Variants in PLXNA4 observed in about 807,000 individuals in gnomAD.
PLXNA4 encodes the protein plexin A4, also known as plexin-A4.
PLXNA4 carries 44 observed loss-of-function variants against 191.8 expected under a neutral mutation model. The ratio of observed to expected loss-of-function variants is 0.23; its 90% confidence interval spans 0.18 to 0.29. The LOEUF (loss-of-function observed/expected upper bound fraction) is 0.29. Among genes scored for constraint, PLXNA4 ranks in the 10% least tolerant of loss-of-function variants. The pLI is 1.00. For missense variants in PLXNA4, 1,800 were observed against 2,488.8 expected (o/e 0.72, Z 5.89); for synonymous variants, 1,082 against 1,009.5 (o/e 1.07, Z -1.36).
At chr7:132,636,060 C>T (rs1372894480) in intron 2 of PLXNA4, among the ~76,000 whole-genome samples, 1 of 152,184 alleles carries the variant, frequency 6.6e-6, no homozygotes, top group African/African-American at 2.4e-5. Context: ...CTCCAAAAGG[C>T]TCCAATGTGC....
At chr7:132,498,064 G>A (rs1798100414) in intron 2 of PLXNA4, among the ~76,000 whole-genome samples, 1 of 152,092 alleles carries the variant, frequency 6.6e-6, no homozygotes, top group Non-Finnish European at 1.5e-5. Flanking sequence ...CACTTTCCAT[G>A]GTTTCAGTTA....
In PLXNA4 at chr7:132,230,319, C is replaced by T. The variant is rs547518710; in HGVS notation, c.1605-1850G>A. On this transcript the variant is annotated intron_variant, in intron 5 of 31. Coordinates refer to ENST00000321063, the MANE Select transcript of PLXNA4 (RefSeq NM_020911.2). The stretch of plus-strand genomic sequence containing the variant: ...GGCAGACCCCTTGCTGCAGACTAAG[C>T]TGGTTCTTCTCGCCATCCTGATGCC... 2.6e-5 allele frequency among the ~76,000 whole-genome samples: 4 copies of T among 152,332 alleles called. No individual in the cohort carries two copies. The South Asian group carries it at 8.3e-4, about 32-fold the overall frequency.
chr7:132,276,957 G>T (rs557646187), intron 4 of PLXNA4, among the ~76,000 whole-genome samples: 2 of 152,218 alleles, frequency 1.3e-5, no homozygotes, highest in Middle Eastern at 3.4e-3. Flanking sequence ...TGGATTCATC[G>T]TGGGGAGAAC....
intron 2 of PLXNA4, among the ~76,000 whole-genome samples, chr7:132,502,680 A>G (rs1323823431): frequency 6.6e-6 from 1 of 152,174 alleles, no homozygotes; most frequent in Admixed American, 6.5e-5. Context: ...GATACAGAAC[A>G]GCCTTCAGTT....
chr7:132,347,717 G>A (rs755756178), intron 3 of PLXNA4, among the ~76,000 whole-genome samples: 35 of 152,140 alleles, frequency 2.3e-4, no homozygotes, highest in Non-Finnish European at 4.6e-4. Flanking sequence ...GGGGAGGGAA[G>A]GCAGGTGCCC....
At chr7:132,294,364 A>G (rs971120247) in intron 4 of PLXNA4, among the ~76,000 whole-genome samples, 2 of 152,204 alleles carry the variant, frequency 1.3e-5, no homozygotes, top group African/African-American at 4.8e-5. Flanking sequence ...GGGAGCAGGG[A>G]GAGCGGGGAG....
rs1318785667 is a variant in PLXNA4, at chr7:132,496,678, G to T, written c.1189-7204C>A. ...GCCTCCCAAAATGCTGAGATTATAG[G>T]CATGAGCTACCACACCTGGCTAAAA... On this transcript the variant is annotated intron_variant, in intron 2 of 31. Coordinates refer to ENST00000321063, the MANE Select transcript of PLXNA4 (RefSeq NM_020911.2). Among the ~76,000 whole-genome samples, 34 of 152,142 alleles carry T rather than the reference G, an allele frequency of 2.2e-4. 1 individual carries two copies. Among genetic ancestry groups the T allele is most frequent in the Non-Finnish European group, 1.5e-5 (1 of 68,020 alleles).
chr7:132,539,241 G>A lies in PLXNA4; in HGVS notation c.-86-30462C>T, dbSNP rs563882598. 3.3e-5 allele frequency among the ~76,000 whole-genome samples: 5 copies of A among 152,280 alleles called. No individual in the cohort carries two copies. The South Asian group carries it at 8.3e-4, about 25-fold the overall frequency. ...CCACAAAGACCGTGCCCTGTCCAAG[G>A]CCACGTAGAGCCATACAATATCCCT... On this transcript the variant is annotated intron_variant, in intron 1 of 31. Transcript: ENST00000321063.
intron 4 of PLXNA4, among the ~76,000 whole-genome samples, chr7:132,267,854 C>T (rs962900688): frequency 2.6e-5 from 4 of 152,102 alleles, no homozygotes; most frequent in Non-Finnish European, 5.9e-5. Context: ...ATTCTGGCTT[C>T]CTTGCTCCTG....
intron 3 of PLXNA4, among the ~76,000 whole-genome samples, chr7:132,482,213 A>G (rs1234371997): frequency 1.3e-5 from 2 of 152,168 alleles, no homozygotes; most frequent in African/African-American, 2.4e-5. Flanking sequence ...CTTCTAAGAC[A>G]TAATACAGCA....
chr7:132,563,368 CCTCCTCCTT>C (rs1801448318), intron 1 of PLXNA4, among the ~76,000 whole-genome samples: 1 of 114,692 alleles, frequency 8.7e-6, no homozygotes, highest in Non-Finnish European at 1.8e-5. Flanking sequence ...TTCTCCTCCT[CCTCCTCCTT>C]CTCCTCCTCC....
intron 4 of PLXNA4, among the ~76,000 whole-genome samples, chr7:132,268,663 A>G (rs1799944722): frequency 6.6e-6 from 1 of 152,156 alleles, no homozygotes; most frequent in Non-Finnish European, 1.5e-5. Flanking sequence ...CTATGGACTA[A>G]TCTACTCCCA....
At position 132,627,503 on chromosome 7, in the gene PLXNA4, G is replaced by C. The variant is rs1427243470; in HGVS notation, c.-87+18425C>G. ...GTCTTATTTGCTTAGTTTTTATGTA[G>C]CCTTCATTTCTATCATTTGAATGTA... On this transcript the variant is annotated intron_variant, in intron 2 of 4. Coordinates refer to the PLXNA4 transcript ENST00000378539. 2.0e-5 allele frequency among the ~76,000 whole-genome samples: 3 copies of C among 151,982 alleles called. No individual in the cohort carries two copies. In the East Asian group the frequency reaches 5.8e-4, roughly 29 times the overall value.
At chr7:132,365,614 A>G (rs1318346443) in intron 3 of PLXNA4, among the ~76,000 whole-genome samples, 1 of 152,164 alleles carries the variant, frequency 6.6e-6, no homozygotes, top group Non-Finnish European at 1.5e-5. Flanking sequence ...TTTTTACATG[A>G]GGCAGAGGGG....
chr7:132,579,015 C>T (rs1251606393), upstream of PLXNA4, among the ~76,000 whole-genome samples: 1 of 152,194 alleles, frequency 6.6e-6, no homozygotes, highest in Non-Finnish European at 1.5e-5. Context: ...ATGCCTCTCT[C>T]TGCAAGACTG....
At chr7:132,647,466 C>T (rs931925920) in intron 1 of PLXNA4, among the ~76,000 whole-genome samples, 1 of 152,098 alleles carries the variant, frequency 6.6e-6, no homozygotes, top group East Asian at 1.9e-4. Context: ...TACACAGTCA[C>T]ACATATACTC....
chr7:132,295,898 A>G (rs573201684), intron 4 of PLXNA4, among the ~76,000 whole-genome samples: 2 of 152,290 alleles, frequency 1.3e-5, no homozygotes, highest in South Asian at 4.1e-4. Flanking sequence ...GAAAAAAACT[A>G]TCTGATATTA....
intron 3 of PLXNA4, among the ~76,000 whole-genome samples, chr7:132,349,876 A>C (rs188976516): frequency 2.6e-5 from 4 of 151,954 alleles, no homozygotes; most frequent in Admixed American, 1.3e-4. Flanking sequence ...CCTTTTTTTT[A>C]AGTATATTTT....
At chr7:132,154,581 G>A (rs749142874) in intron 25 of PLXNA4, among the ~76,000 whole-genome samples, 2 of 152,210 alleles carry the variant, frequency 1.3e-5, no homozygotes, top group African/African-American at 2.4e-5. Flanking sequence ...CCTAGAGAGC[G>A]AAAGGCAAAC....
Sources: allele counts gnomAD v4.1 joint callset (sites outside exome capture counted in the v4.1 genomes callset), GRCh38; gene constraint gnomAD v4.1.1; transcripts MANE v1.5; gene names NCBI Gene and HGNC (gene_info 2026-07-23, HGNC 2026-07-21).